REL: variants seen among roughly 807,000 people sequenced by gnomAD.
The protein encoded by REL is REL proto-oncogene, NF-kB subunit.
A neutral mutation model predicts 45.9 loss-of-function variants in REL; 15 were observed. The ratio of observed to expected loss-of-function variants is 0.33; its 90% CI spans 0.22 to 0.50. The LOEUF (loss-of-function observed/expected upper bound fraction) is 0.50. REL is among the 20% of genes least tolerant of loss of function. The probability of loss-of-function intolerance (pLI) is 0.98; values close to 1 mark genes in which losing one functional copy is unlikely to be tolerated. For synonymous variants in REL, 239 were observed against 242.1 expected, an observed-to-expected ratio of 0.99 and a Z score of 0.12; for missense variants, 601 against 715.2, an observed-to-expected ratio of 0.84 and a Z score of 1.82.
At chr2:60,884,856 T>G (rs1673032798) in intron 1 of REL, among the ~76,000 whole-genome samples, 1 of 152,170 alleles carries the variant, frequency 6.6e-6, no homozygotes, top group African/African-American at 2.4e-5. Flanking sequence ...GAATTGTTGT[T>G]TTTCTCGATT....
chr2:60,918,770 T>C (rs1050219290), intron 7 of REL, among the ~76,000 whole-genome samples, 164 bp downstream of exon 7: 2 of 152,132 alleles, frequency 1.3e-5, no homozygotes, highest in Non-Finnish European at 2.9e-5. Flanking sequence ...TGCATCTCTT[T>C]ATTTGTTGGG....
Position 60,922,691 on chromosome 2 carries a change from CAGGGAAG to C in REL, c.*158_*164del. 24 of 1,295,404 alleles carry C rather than the reference CAGGGAAG, an allele frequency of 1.9e-5. No homozygotes were observed. Among genetic ancestry groups the C allele is most frequent in the Non-Finnish European group, 2.3e-5 (24 of 1,024,502 alleles). The allele number at this position is 1,295,404 out of a possible 1,614,324, so 80.2% of individuals were successfully genotyped here. A position where few individuals can be genotyped will look rare whatever the true frequency, so the allele number is the denominator to read the frequency against. On this transcript the variant is annotated 3_prime_UTR_variant, in exon 10 of 10. Coordinates refer to ENST00000394479, the MANE Select transcript of REL (RefSeq NM_001291746.2). Reference sequence around the variant, plus strand: ...ATTTGAGAATATAAAAAACTTTTTTCAGGGAAGAAGCATACAACTTTGGACATAGCGA... The same window carrying C: ...ATTTGAGAATATAAAAAACTTTTTTCAAGCATACAACTTTGGACATAGCGA...
Position 60,930,535 on chromosome 2 carries a change from A to G in REL, c.*8000A>G, listed in dbSNP as rs1338287485. On this transcript the variant is annotated 3_prime_UTR_variant, in exon 10 of 10. Transcript: ENST00000394479. The stretch of plus-strand genomic sequence containing the variant: ...AAGACGTAGTCAAATTAATATTTTA[A>G]CTAATACATCTTAGCAGAGTTTAGT... 1 of 152,364 alleles carries G rather than the reference A, an allele frequency of 6.6e-6. No individual in the cohort carries two copies. Among genetic ancestry groups the G allele is most frequent in the Non-Finnish European group, 1.5e-5 (1 of 68,028 alleles). 9.4% of individuals were successfully genotyped at this position (152,364 alleles called of 1,614,324 possible). A position where few individuals can be genotyped will look rare whatever the true frequency, so the allele number is the denominator to read the frequency against.
chr2:60,905,764 C>G (rs888446948), intron 4 of REL, among the ~76,000 whole-genome samples: 1 of 152,104 alleles, frequency 6.6e-6, no homozygotes, highest in Non-Finnish European at 1.5e-5. Context: ...GAGGGCCAAG[C>G]AGGTGACTTG....
intron 1 of REL, among the ~76,000 whole-genome samples, chr2:60,889,259 T>C (rs888186201): frequency 1.3e-5 from 2 of 152,208 alleles, no homozygotes; most frequent in African/African-American, 4.8e-5. Flanking sequence ...CTTTTTCCAC[T>C]GACACAGTTG....
At position 60,881,739 on chromosome 2, in the gene REL, G is replaced by T; in HGVS notation, c.-102G>T. ...CTCTAGGGTGGTCGGGGGACTGGGG[G>T]CCCCGCCGGCAGAGGTCCCTCGGCC... On this transcript the variant is annotated 5_prime_UTR_variant, in exon 1 of 10. Coordinates refer to ENST00000394479, the MANE Select transcript of REL (RefSeq NM_001291746.2). 9.4e-7 allele frequency: 1 copy of T among 1,065,872 alleles called. No individual in the cohort carries two copies. Among genetic ancestry groups the T allele is most frequent in the African/African-American group, 1.6e-5 (1 of 61,434 alleles). 66.0% of individuals were successfully genotyped at this position (1,065,872 alleles called of 1,614,324 possible).
intron 4 of REL, among the ~76,000 whole-genome samples, chr2:60,914,917 T>C (rs1424680912): frequency 1.3e-5 from 2 of 150,388 alleles, no homozygotes; most frequent in African/African-American, 2.4e-5. Context: ...CACTGCAAGC[T>C]CTGCCTCTCG....
chr2:60,890,618 C>T (rs1367289904), intron 1 of REL, among the ~76,000 whole-genome samples: 2 of 152,100 alleles, frequency 1.3e-5, no homozygotes, highest in Non-Finnish European at 2.9e-5. Flanking sequence ...GTCTATTTAC[C>T]TTTTCCCCCA....
In REL at chr2:60,901,098, T is replaced by C. The variant is rs755618771; in HGVS notation, c.394+15T>C. 6.5e-7 allele frequency: 1 copy of C among 1,546,782 alleles called. No homozygotes were observed. The highest frequency in any genetic ancestry group is 8.7e-7 in the Non-Finnish European group (1 of 1,153,648). ...TCCATTCAATGGTAAGTATGTTTGA[T>C]AAAATCATTTCTATTTATTTGGGTG... On this transcript the variant is annotated intron_variant, in intron 4 of 9. Transcript: ENST00000394479.
chr2:60,897,973 T>C (rs1673396162), intron 3 of REL, among the ~76,000 whole-genome samples: 1 of 152,186 alleles, frequency 6.6e-6, no homozygotes, highest in Non-Finnish European at 1.5e-5. Flanking sequence ...TGCCGTATGT[T>C]AGTGATTGCG....
intron 1 of REL, among the ~76,000 whole-genome samples, chr2:60,890,899 G>A (rs1413121233): frequency 2.0e-5 from 3 of 152,136 alleles, no homozygotes; most frequent in African/African-American, 7.2e-5. Flanking sequence ...CATACAGTAT[G>A]TGCTCTTCTG....
chr2:60,925,876 T>C lies in REL; in HGVS notation c.*3341T>C. The stretch of plus-strand genomic sequence containing the variant: ...TCTGCTACATCTGTGTTTAGAATAT[T>C]TTTTTAAAACTAAATAAGTGTTGGC... On this transcript the variant is annotated 3_prime_UTR_variant, in exon 10 of 10. Coordinates refer to ENST00000394479, the MANE Select transcript of REL (RefSeq NM_001291746.2). The C allele has an allele frequency of 4.5e-6, 1 of 222,694 alleles. No homozygotes were observed. The highest frequency in any genetic ancestry group is 9.0e-6 in the Non-Finnish European group (1 of 111,106). 13.8% of individuals were successfully genotyped at this position (222,694 alleles called of 1,614,324 possible).
intron 4 of REL, 65 bp downstream of exon 4, chr2:60,901,148 C>CCCTTTTTTTTTTTT (rs755936187): frequency 1.2e-6 from 1 of 832,874 alleles, no homozygotes. Context: ...TTTTTTCTTT[C>CCCTTTTTTTTTTTT]TCTTTTTTTT....
At position 60,891,698 on chromosome 2, in the gene REL, A is replaced by C; in HGVS notation, c.26A>C (p.Tyr9Ser). Reference protein sequence around the residue: MASGAYNPYIEIIEQPRQR... With the variant: MASGAYNPSIEIIEQPRQR... The stretch of plus-strand genomic sequence containing the variant: ...AACTTTTCAGGTGCGTATAACCCGT[A>C]TATAGAGATAATTGAACAACCCAGG... The change falls in exon 2 of 10, where the codon TAT becomes TCT. Residue 9 changes from tyrosine (Y) to serine (S), a missense_variant. Transcript: ENST00000394479. The C allele has an allele frequency of 6.2e-7, 1 of 1,613,828 alleles. No homozygotes were observed. Among genetic ancestry groups the C allele is most frequent in the Non-Finnish European group, 8.5e-7 (1 of 1,179,832 alleles).
chr2:60,892,484 A>G (rs1673238365), intron 2 of REL, among the ~76,000 whole-genome samples: 1 of 152,160 alleles, frequency 6.6e-6, no homozygotes, highest in African/African-American at 2.4e-5. Context: ...GCTGGAGTGC[A>G]ATGTCGTGAT....
chr2:60,891,531 T>A (rs192574469), intron 1 of REL, 152 bp from the exon 2 acceptor site: 13 of 661,368 alleles, frequency 2.0e-5, no homozygotes, highest in African/African-American at 1.3e-4. Context: ...TCCCAGCCAA[T>A]CTCCAAGATA....
intron 2 of REL, among the ~76,000 whole-genome samples, chr2:60,892,465 G>T (rs951033774): frequency 5.3e-5 from 8 of 152,088 alleles, no homozygotes; most frequent in Admixed American, 3.9e-4. Flanking sequence ...TTTCACACTT[G>T]TCGCCCAGGC....
Position 60,924,154 on chromosome 2 carries a change from C to A in REL, c.*1619C>A, listed in dbSNP as rs991011564. The A allele has an allele frequency of 2.2e-5, 5 of 230,934 alleles. No homozygotes were observed. The highest frequency in any genetic ancestry group is 4.3e-5 in the Non-Finnish European group (5 of 116,650). The allele number at this position is 230,934 out of a possible 1,614,324, so 14.3% of individuals were successfully genotyped here. ...CCTTCAGGTGTCACTCCACTGTTAC[C>A]TGAGCAGGTCGTCCTTGAATATATA... On this transcript the variant is annotated 3_prime_UTR_variant, in exon 10 of 10. Coordinates refer to ENST00000394479, the MANE Select transcript of REL (RefSeq NM_001291746.2).
intron 3 of REL, chr2:60,899,775 T>C (rs1262566429): frequency 6.6e-6 from 1 of 152,230 alleles, no homozygotes; most frequent in African/African-American, 2.4e-5. Flanking sequence ...GGTGGGGGAG[T>C]TCCCCCCACC....
Sources: allele counts gnomAD v4.1 joint callset (sites outside exome capture counted in the v4.1 genomes callset), GRCh38; gene constraint gnomAD v4.1.1; transcripts MANE v1.5; gene names NCBI Gene and HGNC (gene_info 2026-07-23, HGNC 2026-07-21).